The following GATB variants were observed in gnomAD, a reference collection of about 807,000 sequenced individuals.
GATB encodes glutamyl-tRNA amidotransferase subunit B.
Under a neutral mutation model 62.3 loss-of-function variants are expected in GATB, and 39 were observed. The observed-to-expected ratio is 0.63, with a 90% CI of 0.48 to 0.82. The LOEUF is 0.82. Among genes scored for constraint, GATB ranks in the 40% least tolerant of loss-of-function variants. GATB has a pLI of 0.00. For synonymous variants in GATB, 276 were observed against 258.9 expected (o/e 1.07, Z -0.63); for missense variants, 670 against 684.0 (o/e 0.98, Z 0.23).
At chr4:151,674,742 G>C (rs1737959542) in intron 11 of GATB, 1 of 152,188 alleles carries the variant, frequency 6.6e-6, no homozygotes. Flanking sequence ...TAGATATCTA[G>C]ACTTTGACCA....
At chr4:151,752,636 C>A (rs1739742474) in intron 2 of GATB, among the ~76,000 whole-genome samples, 1 of 152,140 alleles carries the variant, frequency 6.6e-6, no homozygotes, top group Admixed American at 6.5e-5. Context: ...GTATTGTGTT[C>A]TTGTTTCAAA....
chr4:151,671,385 C>T, intron 12 of GATB, 83 bp from the exon 13 acceptor site: 1 of 1,372,266 alleles, frequency 7.3e-7, no homozygotes, highest in Non-Finnish European at 1.0e-6. Flanking sequence ...CTTAAGTTTA[C>T]TGAAAATTAA....
intron 7 of GATB, among the ~76,000 whole-genome samples, chr4:151,704,631 T>G (rs1181227398): frequency 6.6e-6 from 1 of 151,554 alleles, no homozygotes; most frequent in Non-Finnish European, 1.5e-5. Flanking sequence ...TTTTTTGTAT[T>G]TTTAGTAGAG....
chr4:151,718,507 A>C (rs748391733), intron 3 of GATB, among the ~76,000 whole-genome samples: 1 of 152,200 alleles, frequency 6.6e-6, no homozygotes, highest in Non-Finnish European at 1.5e-5. Context: ...AAAGATAAAG[A>C]AAGGCGGTTT....
intron 2 of GATB, among the ~76,000 whole-genome samples, chr4:151,752,386 T>C (rs116201786): frequency 0.012 from 1,885 of 152,286 alleles, 39 homozygotes; most frequent in African/African-American, 0.043. Context: ...GTTTGAGAGT[T>C]TCCTTGACTC....
chr4:151,739,235 T>C (rs1739436669), intron 2 of GATB, among the ~76,000 whole-genome samples: 1 of 152,094 alleles, frequency 6.6e-6, no homozygotes, highest in South Asian at 2.1e-4. Flanking sequence ...CTGCCTCAGC[T>C]CCAGTCCTTA....
Position 151,705,180 on chromosome 4 carries a change from C to A in GATB, c.962+5G>T. 3 of 1,608,218 alleles carry A rather than the reference C, an allele frequency of 1.9e-6. No homozygotes were observed. Among genetic ancestry groups the A allele is most frequent in the Non-Finnish European group, 2.6e-6 (3 of 1,174,780 alleles). ...TGGTCAGGACGCTCAGCAATGCGAACTCACCCCAGCTTGTGATGAAATGAG... is the reference window on the plus strand; with the variant it reads ...TGGTCAGGACGCTCAGCAATGCGAAATCACCCCAGCTTGTGATGAAATGAG... On this transcript the variant is annotated splice_donor_5th_base_variant and intron_variant, in intron 7 of 12. Coordinates refer to ENST00000263985, the MANE Select transcript of GATB (RefSeq NM_004564.3).
At position 151,739,532 on chromosome 4, in the gene GATB, C is replaced by T. The variant is rs371249217; in HGVS notation, c.327+19240G>A. On this transcript the variant is annotated intron_variant, in intron 2 of 12. Transcript: ENST00000263985. ...TGTTACATGTGAAGCCGCAAACACA[C>T]ATAAAAATGGCCAAGAGAGGCCAAG... Among the ~76,000 whole-genome samples, 4 of 152,302 alleles carry T rather than the reference C, an allele frequency of 2.6e-5. No individual in the cohort carries two copies. The South Asian group carries it at 6.2e-4, about 24-fold the overall frequency.
At chr4:151,758,307 C>G (rs899206959) in intron 2 of GATB, among the ~76,000 whole-genome samples, 1 of 152,170 alleles carries the variant, frequency 6.6e-6, no homozygotes, top group Non-Finnish European at 1.5e-5. Flanking sequence ...GTAACCCTTC[C>G]TTAACCTAAA....
At chr4:151,679,960 G>A (rs751588690) in intron 10 of GATB, 69 bp from the exon 11 acceptor site, 117 of 1,388,314 alleles carry the variant, frequency 8.4e-5, no homozygotes, top group Non-Finnish European at 1.1e-4. Context: ...ATGGCTGTTC[G>A]GAATCAGAAC....
intron 2 of GATB, among the ~76,000 whole-genome samples, chr4:151,753,224 G>C (rs1739756889): frequency 6.6e-6 from 1 of 152,092 alleles, no homozygotes; most frequent in Non-Finnish European, 1.5e-5. Flanking sequence ...CATTCCTATG[G>C]GGGTAGGGCA....
intron 12 of GATB, 74 bp from the exon 13 acceptor site, chr4:151,671,376 T>TTAAG: frequency 2.1e-6 from 3 of 1,417,644 alleles, no homozygotes; most frequent in Non-Finnish European, 3.0e-6. Flanking sequence ...AAACTAAGGC[T>TTAAG]TAAGTTTACT....
At chr4:151,736,726 C>T (rs1739382536) in intron 2 of GATB, among the ~76,000 whole-genome samples, 1 of 152,192 alleles carries the variant, frequency 6.6e-6, no homozygotes, top group Non-Finnish European at 1.5e-5. Flanking sequence ...TGAATTCCCA[C>T]ATGTTGTGGG....
chr4:151,716,312 T>C (rs1738912481), intron 4 of GATB, 181 bp from the exon 5 acceptor site: 1 of 621,772 alleles, frequency 1.6e-6, no homozygotes, highest in Admixed American at 3.5e-5. Flanking sequence ...AGGCGTCATC[T>C]TGCTCTGCTG....
At chr4:151,696,656 G>A (rs554795684) in intron 9 of GATB, among the ~76,000 whole-genome samples, 23 of 152,296 alleles carry the variant, frequency 1.5e-4, no homozygotes, top group African/African-American at 5.3e-4. Flanking sequence ...TTGCTGTAAG[G>A]ATAGATTAAA....
rs1319523833 is a variant in GATB at position 151,672,698 on chromosome 4, T to C, written c.1545+64A>G. 1.1e-5 allele frequency: 17 copies of C among 1,554,672 alleles called. No individual in the cohort carries two copies. In the Admixed American group the frequency reaches 2.8e-4, roughly 26 times the overall value. On this transcript the variant is annotated intron_variant, in intron 12 of 12. Coordinates refer to ENST00000263985, the MANE Select transcript of GATB (RefSeq NM_004564.3). ...GCCTCTGGGCTGCCACAGGGAGCGA[T>C]GGCGAGGCTCTTGGGCATGTCCTGG...
chr4:151,757,277 G>A (rs1430959227), intron 2 of GATB, among the ~76,000 whole-genome samples: 1 of 152,106 alleles, frequency 6.6e-6, no homozygotes, highest in African/African-American at 2.4e-5. Flanking sequence ...TGGTCTGCAG[G>A]GAAGGGAGTC....
chr4:151,672,783 C>T lies in GATB; in HGVS notation c.1524G>A (p.Val508=). ...TCACCACTTGAGGATGGGCCTCCAT[C>T]ACAGAGTGGCAGAGCTGCTCCAGTG... ...QGALEQLCHS[V]MEAHPQVVMD... is the part of the protein sequence containing the mutation. Residue 508 remains valine (V), a synonymous_variant, in exon 12 of 13, where the codon GTG becomes GTA. Coordinates refer to ENST00000263985, the MANE Select transcript of GATB (RefSeq NM_004564.3). 1 of 1,614,172 alleles carries T rather than the reference C, an allele frequency of 6.2e-7. No individual in the cohort carries two copies. Among genetic ancestry groups the T allele is most frequent in the Non-Finnish European group, 8.5e-7 (1 of 1,179,988 alleles).
chr4:151,683,389 C>A (rs1738182535), intron 10 of GATB, among the ~76,000 whole-genome samples: 1 of 152,150 alleles, frequency 6.6e-6, no homozygotes, highest in Non-Finnish European at 1.5e-5. Flanking sequence ...CCTTGTGAAA[C>A]CTCCTTCTTG....
Sources: gnomAD v4.1 joint callset for allele counts (sites outside exome capture counted in the v4.1 genomes callset) on GRCh38, gnomAD v4.1.1 for gene constraint, MANE v1.5 for transcripts, NCBI Gene and HGNC (gene_info 2026-07-23, HGNC 2026-07-21) for gene names.